The following RNF19A variants were observed in gnomAD, a reference collection of about 807,000 sequenced individuals.
RNF19A encodes ring finger protein 19A, RBR E3 ubiquitin protein ligase, also known as E3 ubiquitin-protein ligase RNF19A.
RNF19A carries 32 observed loss-of-function variants against 75.7 expected under a neutral mutation model. That is an observed-to-expected ratio of 0.42 (90% CI 0.32 to 0.57). The LOEUF (loss-of-function observed/expected upper bound fraction) is 0.57. RNF19A is among the 20% of genes least tolerant of loss of function. The pLI, the probability that RNF19A is intolerant of heterozygous loss-of-function variation, is 0.10. For synonymous variants in RNF19A, 335 were observed against 345.2 expected, an observed-to-expected ratio of 0.97 and a Z score of 0.33; for missense variants, 782 against 1,036.3, an observed-to-expected ratio of 0.75 and a Z score of 3.37.
chr8:100,264,513 TA>T lies in RNF19A; in HGVS notation c.1306+157del, dbSNP rs1252163746. 17 of 612,562 alleles carry T rather than the reference TA, an allele frequency of 2.8e-5. No homozygotes were observed. Among genetic ancestry groups the T allele is most frequent in the African/African-American group, 2.2e-4 (12 of 54,000 alleles). The allele number at this position is 612,562 out of a possible 1,614,324, so 37.9% of individuals were successfully genotyped here. A position where few individuals can be genotyped will look rare whatever the true frequency, so the allele number is the denominator to read the frequency against. Reference sequence around the variant, plus strand: ...GCCACTAACAATTTACCAACTACTTTAAGGCTAGGCTCTTGAATCTGTAATA... The same window carrying T: ...GCCACTAACAATTTACCAACTACTTTAGGCTAGGCTCTTGAATCTGTAATA... On this transcript the variant is annotated intron_variant, in intron 6 of 9. Coordinates refer to ENST00000341084, the MANE Select transcript of RNF19A (RefSeq NM_183419.4). This position sits in a 1 kb window ranked among gnomAD's most constrained non-coding sequence, Gnocchi z 4.7.
Position 100,260,173 on chromosome 8 carries a change from C to T in RNF19A, c.1683-176G>A. 1 of 537,898 alleles carries T rather than the reference C, an allele frequency of 1.9e-6. No individual in the cohort carries two copies. Among genetic ancestry groups the T allele is most frequent in the Non-Finnish European group, 3.2e-6 (1 of 315,604 alleles). The allele number at this position is 537,898 out of a possible 1,614,324, so 33.3% of individuals were successfully genotyped here. A position where few individuals can be genotyped will look rare whatever the true frequency, so the allele number is the denominator to read the frequency against. ...ACTGCAGCACACTGCATAGTACCAG[C>T]CATCCAAATAAAATGGGGAACATCA... On this transcript the variant is annotated intron_variant, in intron 8 of 9. Transcript: ENST00000341084. This position sits in a 1 kb window ranked among gnomAD's most constrained non-coding sequence, Gnocchi z 4.1.
upstream of RNF19A, chr8:100,310,383 G>C (rs1259040695): frequency 3.0e-6 from 1 of 332,448 alleles, no homozygotes; most frequent in Non-Finnish European, 4.3e-6. Context: ...AGTGGGGCCG[G>C]TGTCTCCCTG....
Position 100,259,400 on chromosome 8 carries a change from T to C in RNF19A, c.1827-154A>G. On this transcript the variant is annotated intron_variant, in intron 9 of 9. Transcript: ENST00000341084. The surrounding 1 kb of genome is among the most constrained non-coding windows in gnomAD (Gnocchi z 4.5). ...CGTTCTACTTAAAAAACATACTTGA[T>C]ATAACAGAACTCTTTATAATGCTTC... is the stretch of plus-strand genomic sequence containing the variant. 1 of 624,672 alleles carries C rather than the reference T, an allele frequency of 1.6e-6. No individual in the cohort carries two copies. The highest frequency in any genetic ancestry group is 2.8e-6 in the Non-Finnish European group (1 of 360,056). The allele number at this position is 624,672 out of a possible 1,614,324, so 38.7% of individuals were successfully genotyped here.
At chr8:100,320,276 C>T (rs1033590937) in intron 1 of RNF19A, among the ~76,000 whole-genome samples, 3 of 152,002 alleles carry the variant, frequency 2.0e-5, no homozygotes, top group Non-Finnish European at 4.4e-5. Flanking sequence ...ATTTTATAGC[C>T]TTTATTTTTT....
Position 100,261,560 on chromosome 8 carries a change from A to G in RNF19A, c.1664T>C (p.Met555Thr). 4.3e-6 allele frequency: 7 copies of G among 1,614,086 alleles called. No homozygotes were observed. Among genetic ancestry groups the G allele is most frequent in the East Asian group, 4.5e-5 (2 of 44,866 alleles). Residue 555 changes from methionine (M) to threonine (T), a missense_variant, in exon 8 of 10, where the codon ATG becomes ACG. By Grantham distance (81) the Met-to-Thr change is moderately conservative (BLOSUM62 -1). Coordinates refer to ENST00000341084, the MANE Select transcript of RNF19A (RefSeq NM_183419.4). The surrounding 1 kb of genome is among the most constrained non-coding windows in gnomAD (Gnocchi z 4.4). ...CACACACCTGTTAAAACAGTTTACC[A>G]TGGCACTTCCTGACAGACTCCCCGT... ...SITGSLSGSAMVNCFNRLEVQ... is the reference protein window; with the variant it reads ...SITGSLSGSATVNCFNRLEVQ...
intron 3 of RNF19A, among the ~76,000 whole-genome samples, chr8:100,272,367 GA>G (rs201597779): frequency 0.015 from 2,243 of 150,878 alleles, 26 homozygotes; most frequent in Middle Eastern, 0.031. Flanking sequence ...AGTGACTGGG[GA>G]AAAAAAACAA....
Position 100,325,554 on chromosome 8 carries a change from T to C in RNF19A, c.-243+10554A>G, listed in dbSNP as rs994053369. Among the ~76,000 whole-genome samples, 1 of 152,126 alleles carries C rather than the reference T, an allele frequency of 6.6e-6. No homozygotes were observed. The highest frequency in any genetic ancestry group is 1.5e-5 in the Non-Finnish European group (1 of 68,024). On this transcript the variant is annotated intron_variant, in intron 1 of 3. Coordinates refer to the RNF19A transcript ENST00000519527. The surrounding 1 kb of genome is among the most constrained non-coding windows in gnomAD (Gnocchi z 4.3). ...TATGTACCCAGGAATTTGGATCTAGTTCTCTGCCCTCAGCAGCACCACACC... is the reference window on the plus strand; with the variant it reads ...TATGTACCCAGGAATTTGGATCTAGCTCTCTGCCCTCAGCAGCACCACACC...
At chr8:100,314,408 A>C (rs1043949570), upstream of RNF19A, among the ~76,000 whole-genome samples, 1 of 152,168 alleles carries the variant, frequency 6.6e-6, no homozygotes, top group Non-Finnish European at 1.5e-5. The surrounding 1 kb of genome is among the most constrained non-coding windows in gnomAD (Gnocchi z 4.1). Flanking sequence ...ATTTGCTGAA[A>C]GTTACGTAGC....
At chr8:100,297,754 G>A (rs1229431804) in intron 1 of RNF19A, among the ~76,000 whole-genome samples, 1 of 152,188 alleles carries the variant, frequency 6.6e-6, no homozygotes, top group Non-Finnish European at 1.5e-5. Context: ...GTTCCACCAT[G>A]AGATTTTGGG....
intron 1 of RNF19A, among the ~76,000 whole-genome samples, chr8:100,289,718 T>C (rs1201839952): frequency 1.3e-5 from 2 of 152,184 alleles, no homozygotes; most frequent in East Asian, 3.8e-4. Context: ...ACAATTACTT[T>C]GGAAAACTGT....
At position 100,287,946 on chromosome 8, in the gene RNF19A, T is replaced by C. The variant is rs562150378; in HGVS notation, c.229A>G (p.Asn77Asp). 1.9e-6 allele frequency: 3 copies of C among 1,614,208 alleles called. No individual in the cohort carries two copies. The highest frequency in any genetic ancestry group is 2.2e-5 in the East Asian group (1 of 44,882). Residue 77 changes from asparagine (N) to aspartate (D), a missense_variant, in exon 2 of 10, where the codon AAC (asparagine) becomes GAC (aspartate). This residue lies in a region of RNF19A where 148 missense variants were observed against 147.9 expected (regional missense o/e 1.00). Transcript: ENST00000341084. The surrounding 1 kb of genome is among the most constrained non-coding windows in gnomAD (Gnocchi z 4.1). ...TTTAGCTCCCTTGATTTACGTTTGT[T>C]ATCTTTTTTCCTCCGAAACAGGGAG... ...IGSLFRRKKD[N>D]KRKSRELNGG...
chr8:100,260,480 G>A lies in RNF19A; in HGVS notation c.1683-483C>T, dbSNP rs1819660656. Among the ~76,000 whole-genome samples the A allele has an allele frequency of 6.6e-6, 1 of 151,908 alleles. No homozygotes were observed. The highest frequency in any genetic ancestry group is 2.4e-5 in the African/African-American group (1 of 41,340). On this transcript the variant is annotated intron_variant, in intron 8 of 9. Coordinates refer to ENST00000341084, the MANE Select transcript of RNF19A (RefSeq NM_183419.4). The surrounding 1 kb of genome is among the most constrained non-coding windows in gnomAD (Gnocchi z 4.1). The stretch of plus-strand genomic sequence containing the variant: ...AGACAGGGTCTCGTTATGTTGCCCA[G>A]GCTGGTCTCAAATTCCTGGCCTCAA...
intron 1 of RNF19A, among the ~76,000 whole-genome samples, chr8:100,308,155 T>TG (rs1306571775): frequency 6.6e-6 from 1 of 152,148 alleles, no homozygotes; most frequent in Admixed American, 6.5e-5. Flanking sequence ...GCTAAGATAG[T>TG]GAAAAAAATA....
chr8:100,259,906 T>C lies in RNF19A; in HGVS notation c.1774A>G (p.Ser592Gly). 10 of 1,614,048 alleles carry C rather than the reference T, an allele frequency of 6.2e-6. No homozygotes were observed. The highest frequency in any genetic ancestry group is 8.5e-6 in the Non-Finnish European group (10 of 1,179,900). ...ATGGATCCTGCCATTGCTTTGGTGC[T>C]GGCATTATCACTAACTGTTCCCAAG... ...VSLGTVSDNA[S>G]TKAMAGSILN... Residue 592 changes from serine to glycine, a missense_variant, in exon 9 of 10, where the codon AGC (serine) becomes GGC (glycine). Physicochemically the swap from Ser to Gly is moderately conservative, Grantham distance 56. This residue lies in a region of RNF19A where 442 missense variants were observed against 541.6 expected (regional missense o/e 0.82). Transcript: ENST00000341084. This position sits in a 1 kb window ranked among gnomAD's most constrained non-coding sequence, Gnocchi z 4.5.
chr8:100,259,534 T>G lies in RNF19A; in HGVS notation c.1827-288A>C, dbSNP rs1050057142. ...TCAGATACAATTCCCCTGTTTAAAG[T>G]GTACAATTCAGTGATTTTTAGTTGT... is the stretch of plus-strand genomic sequence containing the variant. On this transcript the variant is annotated intron_variant, in intron 9 of 9. Transcript: ENST00000341084. The surrounding 1 kb of genome is among the most constrained non-coding windows in gnomAD (Gnocchi z 4.5). Among the ~76,000 whole-genome samples the G allele has an allele frequency of 1.2e-4, 18 of 152,200 alleles. No individual in the cohort carries two copies. The highest frequency in any genetic ancestry group is 2.2e-4 in the Non-Finnish European group (15 of 68,030).
chr8:100,328,113 C>T (rs930735073), intron 1 of RNF19A, among the ~76,000 whole-genome samples: 2 of 152,144 alleles, frequency 1.3e-5, no homozygotes, highest in African/African-American at 4.8e-5. Flanking sequence ...ATCTACATCC[C>T]CCCACTCTCC....
chr8:100,309,817 C>T (rs1822229315), intron 1 of RNF19A, 50 bp downstream of exon 1: 1 of 985,476 alleles, frequency 1.0e-6, no homozygotes, highest in Admixed American at 6.1e-5. Flanking sequence ...CGAGAGCCGC[C>T]CCTTCTCTCC....
intron 2 of RNF19A, among the ~76,000 whole-genome samples, chr8:100,281,154 T>G (rs1820764389): frequency 6.6e-6 from 1 of 152,166 alleles, no homozygotes; most frequent in South Asian, 2.1e-4. Context: ...CTCTAGGTAC[T>G]GTACTTGAAA....
chr8:100,306,218 T>C (rs1472236482), intron 1 of RNF19A, among the ~76,000 whole-genome samples: 1 of 152,172 alleles, frequency 6.6e-6, no homozygotes, highest in Admixed American at 6.5e-5. Context: ...AAAGACTCAG[T>C]TTCGAAGTTT....
Sources: allele counts gnomAD v4.1 joint callset (sites outside exome capture counted in the v4.1 genomes callset), GRCh38; gene constraint gnomAD v4.1.1; regional missense constraint gnomAD v4.1.1; non-coding constraint Gnocchi (gnomAD v3.1); transcripts MANE v1.5; gene names NCBI Gene and HGNC (gene_info 2026-07-23, HGNC 2026-07-21).